The following TSPAN18 variants were observed in gnomAD, a reference collection of about 807,000 sequenced individuals.
TSPAN18 encodes tetraspanin-18.
A neutral mutation model predicts 27.3 loss-of-function variants in TSPAN18; 14 were observed. The observed-to-expected ratio is 0.51, with a 90% CI of 0.34 to 0.80. The LOEUF (loss-of-function observed/expected upper bound fraction) is 0.80, where lower values mean the gene tolerates loss of function less well. Among genes scored for constraint, TSPAN18 ranks in the 30% least tolerant of loss-of-function variants. The pLI, the probability that TSPAN18 is intolerant of heterozygous loss-of-function variation, is 0.01. For synonymous variants in TSPAN18, 143 were observed against 136.5 expected, an observed-to-expected ratio of 1.05 and a Z score of -0.33; for missense variants, 268 against 323.9, an observed-to-expected ratio of 0.83 and a Z score of 1.32.
At chr11:44,759,456 T>C (rs1565136574) in intron 1 of TSPAN18, among the ~76,000 whole-genome samples, 1 of 152,228 alleles carries the variant, frequency 6.6e-6, no homozygotes, top group Non-Finnish European at 1.5e-5. Context: ...GAGAAAATTA[T>C]ACAAGTAGTT....
intron 1 of TSPAN18, among the ~76,000 whole-genome samples, chr11:44,748,546 A>T (rs1230499061): frequency 6.6e-6 from 1 of 152,208 alleles, no homozygotes; most frequent in Non-Finnish European, 1.5e-5. Flanking sequence ...ACCTGGAATT[A>T]TATCAGTATT....
chr11:44,908,326 G>A (rs745415139), intron 4 of TSPAN18, among the ~76,000 whole-genome samples: 14 of 152,048 alleles, frequency 9.2e-5, no homozygotes, highest in South Asian at 2.1e-4. Context: ...TTGGGCCTCC[G>A]GTCCTCCCAC....
At chr11:44,827,103 C>T (rs1385464959) in intron 2 of TSPAN18, among the ~76,000 whole-genome samples, 1 of 152,222 alleles carries the variant, frequency 6.6e-6, no homozygotes, top group Non-Finnish European at 1.5e-5. Flanking sequence ...GTGGATCCCG[C>T]CAACTCTGCC....
chr11:44,866,956 C>T (rs187997892), intron 3 of TSPAN18, among the ~76,000 whole-genome samples: 1 of 152,242 alleles, frequency 6.6e-6, no homozygotes, highest in African/African-American at 2.4e-5. Context: ...TCCTGTCACT[C>T]TCATTGGCTG....
In TSPAN18 at chr11:44,834,481, T is replaced by A. The variant is rs77481468; in HGVS notation, c.-152-25847T>A. Among the ~76,000 whole-genome samples the A allele has an allele frequency of 8.4e-4, 128 of 152,328 alleles. 3 individuals are homozygous for A. In the East Asian group the frequency reaches 0.024, roughly 29 times the overall value. On this transcript the variant is annotated intron_variant, in intron 2 of 9. Transcript: ENST00000520358. ...AAGTTGGCAAATGATGAATCTATTT[T>A]TTTTTCCACTTTGATGAAACCCAAG...
At chr11:44,759,055 T>C (rs1358815764) in intron 1 of TSPAN18, among the ~76,000 whole-genome samples, 1 of 152,228 alleles carries the variant, frequency 6.6e-6, no homozygotes, top group African/African-American at 2.4e-5. Context: ...AATGGCATCT[T>C]TGCAGGGCTT....
chr11:44,889,790 T>A (rs1377300007), intron 3 of TSPAN18, among the ~76,000 whole-genome samples: 1 of 152,222 alleles, frequency 6.6e-6, no homozygotes, highest in Non-Finnish European at 1.5e-5. Flanking sequence ...TCTTGTGGTC[T>A]CTGAAGCTAA....
At chr11:44,903,620 G>T (rs1859346194) in intron 3 of TSPAN18, 1 of 456,556 alleles carries the variant, frequency 2.2e-6, no homozygotes, top group Non-Finnish European at 4.4e-6. Flanking sequence ...GAGAGAGAAG[G>T]CCAGGAGCAG....
chr11:44,835,108 T>C (rs1857238664), intron 2 of TSPAN18, among the ~76,000 whole-genome samples: 1 of 152,136 alleles, frequency 6.6e-6, no homozygotes, highest in South Asian at 2.1e-4. Context: ...AGCAGGGGGC[T>C]CCGGCAGCTC....
intron 2 of TSPAN18, among the ~76,000 whole-genome samples, chr11:44,828,766 G>C (rs1207371895): frequency 2.6e-5 from 4 of 152,140 alleles, no homozygotes; most frequent in Non-Finnish European, 4.4e-5. Context: ...CATGGCCCGA[G>C]GCCACGACCA....
At chr11:44,887,660 G>A (rs993188999) in intron 3 of TSPAN18, among the ~76,000 whole-genome samples, 5 of 152,172 alleles carry the variant, frequency 3.3e-5, no homozygotes, top group South Asian at 4.1e-4. Flanking sequence ...CATAGCCCCA[G>A]TGTGGAATTC....
chr11:44,777,978 C>T (rs1198607335), intron 2 of TSPAN18, among the ~76,000 whole-genome samples: 4 of 152,208 alleles, frequency 2.6e-5, no homozygotes, highest in Admixed American at 1.3e-4. Flanking sequence ...GGATTTTTCC[C>T]CCCAACAGAA....
intron 3 of TSPAN18, among the ~76,000 whole-genome samples, chr11:44,863,900 A>G (rs1302083810): frequency 6.6e-6 from 1 of 152,106 alleles, no homozygotes; most frequent in Non-Finnish European, 1.5e-5. Flanking sequence ...TACTGATGCT[A>G]TTTGGTGTTG....
At chr11:44,739,309 A>G (rs1298571345) in intron 1 of TSPAN18, among the ~76,000 whole-genome samples, 1 of 152,036 alleles carries the variant, frequency 6.6e-6, no homozygotes, top group Non-Finnish European at 1.5e-5. Context: ...ATTTTCCAGG[A>G]GTTAACTGCT....
intron 3 of TSPAN18, among the ~76,000 whole-genome samples, chr11:44,862,619 G>A (rs554073640): frequency 1.3e-5 from 2 of 152,332 alleles, no homozygotes; most frequent in South Asian, 4.1e-4. Flanking sequence ...AAAGCCCAAA[G>A]GTCCCTGTCC....
intron 1 of TSPAN18, among the ~76,000 whole-genome samples, chr11:44,734,925 T>A (rs2134802276): frequency 6.6e-6 from 1 of 152,298 alleles, no homozygotes; most frequent in African/African-American, 2.4e-5. Flanking sequence ...CATTGGTTGG[T>A]GTCTTAGCCC....
At chr11:44,766,074 A>G (rs1855561751) in intron 2 of TSPAN18, among the ~76,000 whole-genome samples, 1 of 152,190 alleles carries the variant, frequency 6.6e-6, no homozygotes, top group African/African-American at 2.4e-5. Flanking sequence ...ACCACTGCCT[A>G]ATGGCATTTT....
intron 1 of TSPAN18, among the ~76,000 whole-genome samples, chr11:44,763,034 C>T (rs1306868143): frequency 6.6e-6 from 1 of 152,226 alleles, no homozygotes; most frequent in South Asian, 2.1e-4. Context: ...AGCTCAGACT[C>T]ATTTCAGTGG....
At chr11:44,772,171 T>G (rs61336460) in intron 2 of TSPAN18, among the ~76,000 whole-genome samples, 12,131 of 152,244 alleles carry the variant, frequency 0.08, 791 homozygotes, top group African/African-American at 0.18. Context: ...TCTACCTGTT[T>G]AAATGTCAAT....
Sources: allele counts gnomAD v4.1 joint callset (sites outside exome capture counted in the v4.1 genomes callset), GRCh38; gene constraint gnomAD v4.1.1; transcripts MANE v1.5; gene names NCBI Gene and HGNC (gene_info 2026-07-23, HGNC 2026-07-21).